Variants in ACAD10 observed in about 807,000 individuals in gnomAD.
ACAD10 encodes the protein acyl-CoA dehydrogenase family member 10.
In ACAD10, 112 loss-of-function variants were observed where a neutral mutation model predicts 116.8. That is an observed-to-expected ratio of 0.96 (90% CI 0.82 to 1.12). ACAD10 has a LOEUF of 1.12. Among genes scored for constraint, ACAD10 ranks in the 50% most tolerant of loss-of-function variants. The pLI is 0.00. For synonymous variants in ACAD10, 486 were observed against 510.6 expected (o/e 0.95, Z 0.65); for missense variants, 1,259 against 1,350.2 (o/e 0.93, Z 1.06).
chr12:111,751,705 G>A (rs868697514), intron 18 of ACAD10, among the ~76,000 whole-genome samples: 2 of 150,636 alleles, frequency 1.3e-5, no homozygotes, highest in South Asian at 2.1e-4. Flanking sequence ...CACTCTAGCC[G>A]GAGTGACAAA....
At chr12:111,745,140 AC>A in intron 13 of ACAD10, 97 bp downstream of exon 13, 1 of 1,334,284 alleles carries the variant, frequency 7.5e-7, no homozygotes. Flanking sequence ...CAGTGAAGAT[AC>A]AGGAGCTCCG....
chr12:111,700,391 C>T (rs1187817496), intron 2 of ACAD10, among the ~76,000 whole-genome samples: 1 of 152,000 alleles, frequency 6.6e-6, no homozygotes, highest in African/African-American at 2.4e-5. Context: ...TGTACATAAC[C>T]TTTGCTTACT....
At chr12:111,726,262 A>G (rs1203293531) in intron 8 of ACAD10, among the ~76,000 whole-genome samples, 1 of 152,110 alleles carries the variant, frequency 6.6e-6, no homozygotes, top group Non-Finnish European at 1.5e-5. Context: ...TCAAAAATAA[A>G]TAAATAAATA....
rs146082069 is a variant in ACAD10 at position 111,705,822 on chromosome 12, G to T, written c.421G>T (p.Ala141Ser). ...VAKQFPVMTE[A>S]ITQIRAKGLQ... The stretch of plus-strand genomic sequence containing the variant: ...AAAGCAGTTCCCAGTGATGACTGAG[G>T]CCATAACTCAAATTCGGGCAAAAGG... Residue 141 changes from alanine to serine, a missense_variant, in exon 4 of 21, where the codon GCC becomes TCC. Coordinates refer to ENST00000313698, the MANE Select transcript of ACAD10 (RefSeq NM_025247.6). 29 of 1,614,046 alleles carry T rather than the reference G, an allele frequency of 1.8e-5. No homozygotes were observed. The highest frequency in any genetic ancestry group is 2.4e-5 in the Non-Finnish European group (28 of 1,180,042).
intron 3 of ACAD10, 26 bp downstream of exon 3, chr12:111,702,336 C>G (rs1314184611): frequency 6.2e-7 from 1 of 1,604,314 alleles, no homozygotes; most frequent in African/African-American, 1.3e-5. Context: ...ACCTACATTT[C>G]CATATTTTTC....
In ACAD10 at chr12:111,692,839, G is replaced by T. The variant is rs760842107; in HGVS notation, c.130G>T (p.Ala44Ser). 1 of 1,614,216 alleles carries T rather than the reference G, an allele frequency of 6.2e-7. No homozygotes were observed. The highest frequency in any genetic ancestry group is 8.5e-7 in the Non-Finnish European group (1 of 1,180,042). Residue 44 changes from alanine to serine, a missense_variant, in exon 2 of 21, where the codon GCG (alanine) becomes TCG (serine). By Grantham distance (99) the Ala-to-Ser change is moderately conservative. Coordinates refer to ENST00000313698, the MANE Select transcript of ACAD10 (RefSeq NM_025247.6). ...WTHLGGSTYR[A>S]VIFDMGGVLI... The stretch of plus-strand genomic sequence containing the variant: ...ACACCTTGGAGGCAGCACCTACAGA[G>T]CGGTGATTTTCGACATGGGCGGAGT...
At chr12:111,693,624 C>T (rs1888116298) in intron 2 of ACAD10, among the ~76,000 whole-genome samples, 1 of 151,928 alleles carries the variant, frequency 6.6e-6, no homozygotes, top group Admixed American at 6.6e-5. Flanking sequence ...GCTGAAATTC[C>T]CCTTTTGATT....
In ACAD10 at chr12:111,744,792, G is replaced by T; in HGVS notation, c.1864G>T (p.Ala622Ser). The T allele has an allele frequency of 6.2e-7, 1 of 1,614,216 alleles. No individual in the cohort carries two copies. The highest frequency in any genetic ancestry group is 8.5e-7 in the Non-Finnish European group (1 of 1,180,042). ...NPLTRSYHTW[A>S]RPQSQWCPTG... ...GTTAACAAGGTCCTACCACACGTGGGCCAGGCCCCAGTCCCAGTGGTGCCC... is the reference window on the plus strand; with the variant it reads ...GTTAACAAGGTCCTACCACACGTGGTCCAGGCCCCAGTCCCAGTGGTGCCC... Residue 622 changes from alanine to serine, a missense_variant, in exon 13 of 21, where the codon GCC (alanine) becomes TCC (serine). By Grantham distance (99) the Ala-to-Ser change is moderately conservative. Coordinates refer to ENST00000313698, the MANE Select transcript of ACAD10 (RefSeq NM_025247.6).
chr12:111,687,042 T>G (rs930229077), intron 1 of ACAD10, among the ~76,000 whole-genome samples: 3 of 152,216 alleles, frequency 2.0e-5, no homozygotes, highest in Non-Finnish European at 4.4e-5. Context: ...CAGCATTCTT[T>G]CCAGTATGTC....
At chr12:111,695,091 C>A (rs141189719) in intron 2 of ACAD10, among the ~76,000 whole-genome samples, 1 of 152,298 alleles carries the variant, frequency 6.6e-6, no homozygotes, top group Non-Finnish European at 1.5e-5. Context: ...GCTTGAAAAT[C>A]TTGAATGCCT....
At chr12:111,740,309 A>G (rs954334182) in intron 12 of ACAD10, among the ~76,000 whole-genome samples, 2 of 151,950 alleles carry the variant, frequency 1.3e-5, no homozygotes, top group African/African-American at 2.4e-5. Flanking sequence ...TAAAAATACA[A>G]AAATTGCCTG....
At chr12:111,710,585 C>T in intron 5 of ACAD10, among the ~76,000 whole-genome samples, 1 of 151,788 alleles carries the variant, frequency 6.6e-6, no homozygotes, top group Non-Finnish European at 1.5e-5. Flanking sequence ...ACCTCTGCCT[C>T]CCTGGTTCAA....
intron 2 of ACAD10, among the ~76,000 whole-genome samples, chr12:111,695,987 T>C (rs542161911): frequency 1.3e-5 from 2 of 148,978 alleles, no homozygotes; most frequent in South Asian, 4.3e-4. Context: ...GCGCTGCAGC[T>C]TGGGAGACAG....
chr12:111,746,180 C>T lies in ACAD10; in HGVS notation c.2152C>T (p.Leu718=). The T allele has an allele frequency of 1.2e-6, 2 of 1,613,896 alleles. No individual in the cohort carries two copies. The highest frequency in any genetic ancestry group is 1.7e-6 in the Non-Finnish European group (2 of 1,179,974). The change falls in exon 14 of 21, where the codon CTA becomes TTA. Residue 718 remains leucine, a synonymous_variant. Transcript: ENST00000313698. ...AGCTGAAGGACTTTGGAACCTTTTC[C>T]TACCCTTAGAGGCTGATCCCGAGAA... ...AKAEGLWNLF[L]PLEADPEKKY... is the part of the protein sequence containing the mutation.
At position 111,750,341 on chromosome 12, in the gene ACAD10, C is replaced by T. The variant is rs184000451; in HGVS notation, c.2817+996C>T. Reference sequence around the variant, plus strand: ...CTCACCGTGTTAGCCAGGATGGTCTCGATCTCCTGACCTCATGATCCGCCC... The same window carrying T: ...CTCACCGTGTTAGCCAGGATGGTCTTGATCTCCTGACCTCATGATCCGCCC... On this transcript the variant is annotated intron_variant, in intron 18 of 20. Transcript: ENST00000313698. Among the ~76,000 whole-genome samples, 425 of 151,776 alleles carry T rather than the reference C, an allele frequency of 2.8e-3. 1 individual carries two copies. The highest frequency in any genetic ancestry group is 9.8e-3 in the African/African-American group (405 of 41,388).
At chr12:111,698,460 TTTC>T (rs1888253432) in intron 2 of ACAD10, among the ~76,000 whole-genome samples, 1 of 151,610 alleles carries the variant, frequency 6.6e-6, no homozygotes. Context: ...ATTGCTCACT[TTTC>T]TTGTTGATTT....
At chr12:111,745,770 T>C (rs11066018) in intron 13 of ACAD10, 51,165 of 162,446 alleles carry the variant, frequency 0.31, 11,405 homozygotes, top group East Asian at 0.9. Flanking sequence ...AACTCCTGAC[T>C]TTGTGATCCG....
rs2068086756 is a variant in ACAD10 at position 111,756,560 on chromosome 12, TGTGGCTC to T, written c.*88_*94del. 1 of 1,554,040 alleles carries T rather than the reference TGTGGCTC, an allele frequency of 6.4e-7. No homozygotes were observed. Among genetic ancestry groups the T allele is most frequent in the Non-Finnish European group, 8.7e-7 (1 of 1,152,904 alleles). On this transcript the variant is annotated 3_prime_UTR_variant, in exon 21 of 21. Coordinates refer to ENST00000313698, the MANE Select transcript of ACAD10 (RefSeq NM_025247.6). The stretch of plus-strand genomic sequence containing the variant: ...GATGTGCCTCGAAAGATCCGGTGTT[TGTGGCTC>T]CTGCACCCTGCTCAGCAGCTCTGTC...
intron 12 of ACAD10, among the ~76,000 whole-genome samples, chr12:111,742,336 C>T (rs1349231645): frequency 6.6e-6 from 1 of 151,976 alleles, no homozygotes; most frequent in African/African-American, 2.4e-5. Context: ...GTGTGCAGTC[C>T]GAGGAATAAG....
Sources: allele counts gnomAD v4.1 joint callset (sites outside exome capture counted in the v4.1 genomes callset), GRCh38; gene constraint gnomAD v4.1.1; transcripts MANE v1.5; gene names NCBI Gene and HGNC (gene_info 2026-07-23, HGNC 2026-07-21).